Variants in PARD3B observed in about 807,000 individuals in gnomAD.
The protein encoded by PARD3B is partitioning defective 3 homolog B.
A neutral mutation model predicts 130.2 loss-of-function variants in PARD3B; 103 were observed. The observed-to-expected ratio is 0.79, with a 90% CI of 0.67 to 0.93. The LOEUF (loss-of-function observed/expected upper bound fraction) is 0.93, where lower values mean the gene tolerates loss of function less well. PARD3B is among the 40% of genes least tolerant of loss of function. The pLI, the probability that PARD3B is intolerant of heterozygous loss-of-function variation, is 0.00. For synonymous variants in PARD3B, 583 were observed against 553.2 expected, an observed-to-expected ratio of 1.05 and a Z score of -0.76; for missense variants, 1,609 against 1,499.2, an observed-to-expected ratio of 1.07 and a Z score of -1.21.
At chr2:204,969,087 T>C (rs1443949479) in intron 3 of PARD3B, among the ~76,000 whole-genome samples, 1 of 152,184 alleles carries the variant, frequency 6.6e-6, no homozygotes, top group African/African-American at 2.4e-5. Flanking sequence ...AGTACAGAGA[T>C]TGCTGGCCTG....
intron 2 of PARD3B, among the ~76,000 whole-genome samples, chr2:204,872,173 C>T (rs1246488533): frequency 6.6e-6 from 1 of 151,946 alleles, no homozygotes; most frequent in East Asian, 1.9e-4. Context: ...GAAATCCACA[C>T]AATACAGAAA....
intron 2 of PARD3B, among the ~76,000 whole-genome samples, chr2:204,714,295 A>C (rs1413863205): frequency 6.6e-6 from 1 of 152,192 alleles, no homozygotes; most frequent in African/African-American, 2.4e-5. Flanking sequence ...ATTTGTGTAC[A>C]TTAGTACTCT....
chr2:204,656,483 G>A (rs1407618279), intron 1 of PARD3B, among the ~76,000 whole-genome samples: 1 of 152,150 alleles, frequency 6.6e-6, no homozygotes, highest in Non-Finnish European at 1.5e-5. Flanking sequence ...ACTGTTTACA[G>A]TCTTAAAGTT....
At chr2:204,574,946 G>A (rs79159132) in intron 1 of PARD3B, among the ~76,000 whole-genome samples, 2,907 of 152,182 alleles carry the variant, frequency 0.019, 79 homozygotes, top group African/African-American at 0.067. Context: ...TTAATAAGTT[G>A]TTCTTCCAAG....
intron 2 of PARD3B, among the ~76,000 whole-genome samples, chr2:204,722,104 A>C (rs1434956568): frequency 6.6e-6 from 1 of 152,314 alleles, no homozygotes; most frequent in East Asian, 1.9e-4. Flanking sequence ...ATTATACTAA[A>C]ATCAGTAGGA....
At chr2:205,481,352 G>A (rs2049228515) in intron 20 of PARD3B, among the ~76,000 whole-genome samples, 2 of 152,202 alleles carry the variant, frequency 1.3e-5, no homozygotes, top group East Asian at 1.9e-4. Flanking sequence ...GGGTGGTGTC[G>A]ACAATGGAAA....
At chr2:204,945,924 G>A (rs577611610) in intron 2 of PARD3B, among the ~76,000 whole-genome samples, 38 of 152,172 alleles carry the variant, frequency 2.5e-4, no homozygotes, top group African/African-American at 7.9e-4. Context: ...TTGCAATTTC[G>A]TGCTCCCATG....
At chr2:205,336,994 T>C (rs1490707180) in intron 18 of PARD3B, among the ~76,000 whole-genome samples, 4 of 149,382 alleles carry the variant, frequency 2.7e-5, no homozygotes, top group Non-Finnish European at 5.9e-5. Context: ...AAAAAAAAGG[T>C]AATCTAACCT....
intron 2 of PARD3B, among the ~76,000 whole-genome samples, chr2:204,937,508 T>C (rs1255648245): frequency 6.6e-6 from 1 of 152,216 alleles, no homozygotes; most frequent in African/African-American, 2.4e-5. Flanking sequence ...CAGGATCGAG[T>C]AGCTTCATAT....
At position 205,158,665 on chromosome 2, in the gene PARD3B, G is replaced by C; in HGVS notation, c.1435-57G>C. ...CATCTGTGTCTGGTCATCTGAGAGAGTGAAATATTAATCTGCTTTCTTCTC... is the reference window on the plus strand; with the variant it reads ...CATCTGTGTCTGGTCATCTGAGAGACTGAAATATTAATCTGCTTTCTTCTC... On this transcript the variant is annotated intron_variant, in intron 10 of 22. Coordinates refer to ENST00000406610, the MANE Select transcript of PARD3B (RefSeq NM_001302769.2). The surrounding 1 kb of genome is among the most constrained non-coding windows in gnomAD (Gnocchi z 5.4). The C allele has an allele frequency of 1.3e-6, 2 of 1,494,288 alleles. No individual in the cohort carries two copies. The highest frequency in any genetic ancestry group is 1.8e-6 in the Non-Finnish European group (2 of 1,091,422). The allele number at this position is 1,494,288 out of a possible 1,614,324, so 92.6% of individuals were successfully genotyped here.
At chr2:205,339,893 C>A (rs2043455224) in intron 18 of PARD3B, among the ~76,000 whole-genome samples, 1 of 151,900 alleles carries the variant, frequency 6.6e-6, no homozygotes, top group Non-Finnish European at 1.5e-5. Context: ...AAGGCCTGTC[C>A]CTTGGAAGAC....
intron 3 of PARD3B, among the ~76,000 whole-genome samples, chr2:205,035,551 T>TA (rs1287273864): frequency 6.6e-6 from 1 of 151,814 alleles, no homozygotes; most frequent in African/African-American, 2.4e-5. Context: ...CCCACATACT[T>TA]ACAGTACTGG....
chr2:205,231,812 C>A (rs11888554), intron 15 of PARD3B, among the ~76,000 whole-genome samples: 29,718 of 152,066 alleles, frequency 0.2, 3,126 homozygotes, highest in East Asian at 0.31. Context: ...ATCTGCATAG[C>A]GTGAACTCCA....
chr2:205,398,489 G>A (rs570102684), intron 18 of PARD3B, among the ~76,000 whole-genome samples: 11 of 152,228 alleles, frequency 7.2e-5, no homozygotes, highest in Admixed American at 3.9e-4. Context: ...CAGTTGGTTC[G>A]CCAGAGTCCC....
intron 21 of PARD3B, among the ~76,000 whole-genome samples, chr2:205,543,560 A>G (rs534492312): frequency 7.9e-5 from 12 of 152,306 alleles, no homozygotes; most frequent in Non-Finnish European, 1.5e-4. Flanking sequence ...CACTGCCAAC[A>G]TACGAGCAGC....
chr2:205,222,060 G>T (rs1330698846), intron 15 of PARD3B, among the ~76,000 whole-genome samples: 1 of 151,466 alleles, frequency 6.6e-6, no homozygotes, highest in African/African-American at 2.4e-5. Context: ...TATTACACAA[G>T]TATACCTAGG....
Position 205,104,453 on chromosome 2 carries a change from G to A in PARD3B, c.532G>A (p.Glu178Lys). 1 of 1,602,904 alleles carries A rather than the reference G, an allele frequency of 6.2e-7. No individual in the cohort carries two copies. Among genetic ancestry groups the A allele is most frequent in the African/African-American group, 1.3e-5 (1 of 74,788 alleles). ...TTCCACGCAGAACTTGGAAGACAGA[G>A]AAGTTTTGAATGGTGTACAGACAGA... ...PDSTQNLEDREVLNGVQTELL... is the reference protein window; with the variant it reads ...PDSTQNLEDRKVLNGVQTELL... The change falls in exon 5 of 23, where the codon GAA (glutamate) becomes AAA (lysine). Residue 178 changes from glutamate to lysine, a missense_variant. Coordinates refer to ENST00000406610, the MANE Select transcript of PARD3B (RefSeq NM_001302769.2).
rs371854337 is a variant in PARD3B at position 205,440,487 on chromosome 2, T to A, written c.2859T>A (p.Tyr953Ter). The A allele has an allele frequency of 6.2e-7, 1 of 1,614,144 alleles. No homozygotes were observed. Among genetic ancestry groups the A allele is most frequent in the South Asian group, 1.1e-5 (1 of 91,078 alleles). ...ATGATGATGAAATGGACCCCAATTA[T>A]GCCAGAGTGAACCACTTTCGGGAAC... ...DMDDDEMDPN[Y>*]ARVNHFREPC... Residue 953 changes from tyrosine to a stop codon, truncating the protein, a stop_gained, in exon 20 of 23, where the codon TAT becomes TAA. Coordinates refer to ENST00000406610, the MANE Select transcript of PARD3B (RefSeq NM_001302769.2). LOFTEE classifies it high-confidence loss of function. This position sits in a 1 kb window ranked among gnomAD's most constrained non-coding sequence, Gnocchi z 4.2.
At chr2:205,017,768 A>G (rs1022196442) in intron 3 of PARD3B, among the ~76,000 whole-genome samples, 6 of 152,108 alleles carry the variant, frequency 3.9e-5, no homozygotes, top group African/African-American at 1.4e-4. Context: ...GAATCATCCT[A>G]TGTAGGTGCT....
Sources: allele counts gnomAD v4.1 joint callset (sites outside exome capture counted in the v4.1 genomes callset), GRCh38; gene constraint gnomAD v4.1.1; non-coding constraint Gnocchi (gnomAD v3.1); transcripts MANE v1.5; gene names NCBI Gene and HGNC (gene_info 2026-07-23, HGNC 2026-07-21).